The following NDRG1 variants were observed in gnomAD, a reference collection of about 807,000 sequenced individuals.
The protein encoded by NDRG1 is N-myc downstream regulated 1.
A neutral mutation model predicts 56.9 loss-of-function variants in NDRG1; 32 were observed. The observed-to-expected ratio is 0.56, with a 90% CI of 0.42 to 0.76. NDRG1 has a LOEUF of 0.76. Among genes scored for constraint, NDRG1 ranks in the 30% least tolerant of loss-of-function variants. The pLI is 0.00. For synonymous variants in NDRG1, 211 were observed against 204.1 expected, an observed-to-expected ratio of 1.03 and a Z score of -0.29; for missense variants, 507 against 545.7, an observed-to-expected ratio of 0.93 and a Z score of 0.71.
chr8:133,287,939 ACACACG>A, intron 1 of NDRG1, among the ~76,000 whole-genome samples: 2 of 143,864 alleles, frequency 1.4e-5, no homozygotes, highest in Non-Finnish European at 3.0e-5. Context: ...GCATGCGTGC[ACACACG>A]CACACACACA....
At chr8:133,267,856 G>A (rs367788365) in intron 3 of NDRG1, among the ~76,000 whole-genome samples, 1 of 152,166 alleles carries the variant, frequency 6.6e-6, no homozygotes, top group African/African-American at 2.4e-5. Flanking sequence ...TCACCTGCAC[G>A]GAGCCCAGAG....
At chr8:133,245,464 G>C (rs1161950115) in intron 13 of NDRG1, among the ~76,000 whole-genome samples, 1 of 152,146 alleles carries the variant, frequency 6.6e-6, no homozygotes, top group South Asian at 2.1e-4. Flanking sequence ...GCTAACGGCT[G>C]ATGTTATTAA....
intron 1 of NDRG1, among the ~76,000 whole-genome samples, chr8:133,285,706 T>C (rs1858073102): frequency 6.6e-6 from 1 of 152,156 alleles, no homozygotes; most frequent in South Asian, 2.1e-4. Context: ...CCCAGCATGA[T>C]TTTCCCCAGT....
At chr8:133,263,487 T>C (rs1856757562) in intron 4 of NDRG1, among the ~76,000 whole-genome samples, 1 of 152,198 alleles carries the variant, frequency 6.6e-6, no homozygotes, top group Non-Finnish European at 1.5e-5. Flanking sequence ...TAGCTTCCAT[T>C]CCATTCTCAT....
At chr8:133,279,048 C>G (rs1586479207) in intron 3 of NDRG1, among the ~76,000 whole-genome samples, 1 of 152,146 alleles carries the variant, frequency 6.6e-6, no homozygotes, top group African/African-American at 2.4e-5. Flanking sequence ...TACCACCATG[C>G]CTGGCTAATT....
At chr8:133,269,905 GC>G (rs1217386535) in intron 3 of NDRG1, among the ~76,000 whole-genome samples, 2 of 152,218 alleles carry the variant, frequency 1.3e-5, no homozygotes, top group Non-Finnish European at 2.9e-5. Flanking sequence ...ACAGGCACCT[GC>G]CCCCAAACTG....
At chr8:133,244,436 C>A (rs751561814) in intron 13 of NDRG1, 46 bp from the exon 14 acceptor site, 1 of 1,612,514 alleles carries the variant, frequency 6.2e-7, no homozygotes, top group South Asian at 1.1e-5. Context: ...ACAGCCAAGG[C>A]CCTCTGCGCT....
intron 3 of NDRG1, among the ~76,000 whole-genome samples, chr8:133,278,952 G>A (rs971761738): frequency 4.0e-5 from 6 of 149,336 alleles, no homozygotes; most frequent in Non-Finnish European, 5.9e-5. Context: ...GTGCAACGAC[G>A]TGGTCTCAGC....
chr8:133,244,732 G>A (rs1023649048), intron 13 of NDRG1: 1 of 470,344 alleles, frequency 2.1e-6, no homozygotes, highest in African/African-American at 1.9e-5. Flanking sequence ...GGACTCGCAA[G>A]GTTCCAGGCC....
In NDRG1 at chr8:133,262,101, A is replaced by G; in HGVS notation, c.272T>C (p.Val91Ala). Residue 91 changes from valine to alanine, a missense_variant, in exon 5 of 16, where the codon GTC becomes GCC. Transcript: ENST00000323851. ...CTGGCCAGGGGCGTCCACGTGGCAG[A>G]CGGCAAAGTGCTGGGTGATCTCCTG... The part of the protein sequence containing the change: ...DMQEITQHFA[V>A]CHVDAPGQQD... 1 of 1,614,182 alleles carries G rather than the reference A, an allele frequency of 6.2e-7. No homozygotes were observed. The highest frequency in any genetic ancestry group is 1.3e-5 in the African/African-American group (1 of 75,070).
chr8:133,255,331 C>G (rs911808273), intron 8 of NDRG1: 2 of 456,128 alleles, frequency 4.4e-6, no homozygotes, highest in Non-Finnish European at 8.8e-6. Context: ...GCCACAAGGT[C>G]AAGGGAAGGA....
At chr8:133,267,005 G>A (rs146407389) in intron 3 of NDRG1, among the ~76,000 whole-genome samples, 268 of 152,232 alleles carry the variant, frequency 1.8e-3, no homozygotes, top group African/African-American at 5.8e-3. Flanking sequence ...TGAAAGCTCC[G>A]TACTGAGTTT....
chr8:133,241,044 A>C (rs1195123477), intron 15 of NDRG1: 1 of 152,238 alleles, frequency 6.6e-6, no homozygotes, highest in African/African-American at 2.4e-5. Context: ...GCTAGAGCTA[A>C]TCATGGCTAA....
chr8:133,266,779 C>T (rs1217036088), intron 3 of NDRG1, among the ~76,000 whole-genome samples: 1 of 152,210 alleles, frequency 6.6e-6, no homozygotes, highest in Non-Finnish European at 1.5e-5. Flanking sequence ...GGTGACAACT[C>T]ACAAGCTAGT....
intron 13 of NDRG1, among the ~76,000 whole-genome samples, chr8:133,244,859 C>T (rs947160417): frequency 3.3e-5 from 5 of 152,188 alleles, no homozygotes; most frequent in African/African-American, 9.7e-5. Flanking sequence ...TTCAGCTGAC[C>T]AGTACCCTTC....
chr8:133,263,025 G>A (rs1432175631), intron 4 of NDRG1, among the ~76,000 whole-genome samples: 1 of 152,196 alleles, frequency 6.6e-6, no homozygotes, highest in African/African-American at 2.4e-5. Context: ...ACTGTGTTAA[G>A]CCACAGAGGG....
At chr8:133,250,975 T>C (rs889053681) in intron 9 of NDRG1, among the ~76,000 whole-genome samples, 1 of 151,466 alleles carries the variant, frequency 6.6e-6, no homozygotes, top group East Asian at 1.9e-4. Context: ...TAGGACTTAA[T>C]GGAGGTTGTG....
At chr8:133,292,245 T>C (rs2130812265) in intron 1 of NDRG1, among the ~76,000 whole-genome samples, 1 of 152,262 alleles carries the variant, frequency 6.6e-6, no homozygotes, top group African/African-American at 2.4e-5. Context: ...GACGAGGAAA[T>C]GGCTTCCTCA....
intron 3 of NDRG1, among the ~76,000 whole-genome samples, chr8:133,269,794 A>G (rs1327891046): frequency 1.3e-5 from 2 of 152,180 alleles, no homozygotes; most frequent in Non-Finnish European, 2.9e-5. Context: ...AAACACTCGT[A>G]CCTCCCCAGC....
Sources: gnomAD v4.1 joint callset for allele counts (sites outside exome capture counted in the v4.1 genomes callset) on GRCh38, gnomAD v4.1.1 for gene constraint, MANE v1.5 for transcripts, NCBI Gene and HGNC (gene_info 2026-07-23, HGNC 2026-07-21) for gene names.